Variants in MGAT3 observed in about 807,000 individuals in gnomAD.
The protein encoded by MGAT3 is GlcNAc-T III.
A neutral mutation model predicts 29.8 loss-of-function variants in MGAT3; 9 were observed. The observed-to-expected ratio is 0.30, with a 90% CI of 0.18 to 0.53. The LOEUF (loss-of-function observed/expected upper bound fraction) is 0.53, where lower values mean the gene tolerates loss of function less well. Ranked by LOEUF, MGAT3 falls within the 20% of genes least tolerant of loss-of-function variation. The probability of loss-of-function intolerance (pLI) is 0.96; values close to 1 mark genes in which losing one functional copy is unlikely to be tolerated. For synonymous variants in MGAT3, 397 were observed against 348.9 expected (o/e 1.14, Z -1.54); for missense variants, 557 against 769.5 (o/e 0.72, Z 3.27).
At chr22:39,476,401 C>T (rs1485092179) in intron 1 of MGAT3, 1 of 152,444 alleles carries the variant, frequency 6.6e-6, no homozygotes, top group African/African-American at 2.4e-5. Flanking sequence ...AGCTCTGTCT[C>T]TCCTCTGTTG....
chr22:39,468,220 C>T (rs1373613888), intron 1 of MGAT3, among the ~76,000 whole-genome samples: 1 of 152,224 alleles, frequency 6.6e-6, no homozygotes, highest in Non-Finnish European at 1.5e-5. Flanking sequence ...GTTCCCAGAT[C>T]CCAGGGGCAA....
intron 1 of MGAT3, among the ~76,000 whole-genome samples, chr22:39,475,004 T>C (rs1928912879): frequency 6.6e-6 from 1 of 152,074 alleles, no homozygotes; most frequent in South Asian, 2.1e-4. Flanking sequence ...GCCCCTGCCT[T>C]CCTGGAGTCA....
In MGAT3 at chr22:39,487,788, G is replaced by GCCACCC. The variant is rs1284576412; in HGVS notation, c.443_448dup (p.Pro148_Pro149dup). 7 of 1,490,748 alleles carry GCCACCC rather than the reference G, an allele frequency of 4.7e-6. No homozygotes were observed. Among genetic ancestry groups the GCCACCC allele is most frequent in the Middle Eastern group, 2.0e-4 (1 of 4,934 alleles). The allele number at this position is 1,490,748 out of a possible 1,614,324, so 92.3% of individuals were successfully genotyped here. On this transcript the variant is annotated inframe_insertion, in exon 2 of 2. Transcript: ENST00000341184. The surrounding 1 kb of genome is among the most constrained non-coding windows in gnomAD (Gnocchi z 5.7). ...GGGCCAACGGCTCCTCGGCCCGGCG[G>GCCACCC]CCACCCCGGTACCTCCTGAGCGCCC... is the stretch of plus-strand genomic sequence containing the variant.
In MGAT3 at chr22:39,491,990, C is replaced by T. The variant is rs775736251; in HGVS notation, c.*3041C>T. ...AACAGGGAGAGTCTGGGTGGGGAGA[C>T]GGGACTTGTCCAAGCAGAAGGCAGG... On this transcript the variant is annotated 3_prime_UTR_variant, in exon 2 of 2. Coordinates refer to ENST00000341184, the MANE Select transcript of MGAT3 (RefSeq NM_002409.5). This position sits in a 1 kb window ranked among gnomAD's most constrained non-coding sequence, Gnocchi z 5.5. 47 of 166,718 alleles carry T rather than the reference C, an allele frequency of 2.8e-4. No homozygotes were observed. Among genetic ancestry groups the T allele is most frequent in the Admixed American group, 6.6e-5 (1 of 15,236 alleles). The allele number at this position is 166,718 out of a possible 1,614,324, so 10.3% of individuals were successfully genotyped here.
chr22:39,458,500 A>G (rs1304708791), intron 1 of MGAT3, among the ~76,000 whole-genome samples: 15 of 151,150 alleles, frequency 9.9e-5, no homozygotes, highest in Admixed American at 9.9e-4. Flanking sequence ...GGGGAGGGGG[A>G]GCAGTTATGA....
At chr22:39,483,390 G>A (rs1929182496) in intron 1 of MGAT3, among the ~76,000 whole-genome samples, 1 of 152,176 alleles carries the variant, frequency 6.6e-6, no homozygotes, top group African/African-American at 2.4e-5. Context: ...CTACTCAGGA[G>A]GCTAAGGCGG....
At chr22:39,469,144 G>A (rs1179388838) in intron 1 of MGAT3, among the ~76,000 whole-genome samples, 1 of 148,738 alleles carries the variant, frequency 6.7e-6, no homozygotes, top group Non-Finnish European at 1.5e-5. Flanking sequence ...GGGGGCAGGT[G>A]GGTGGGGAGG....
rs375904604 is a variant in MGAT3, at chr22:39,469,795, C to T, written c.-2+12238C>T. 1.2e-4 allele frequency among the ~76,000 whole-genome samples: 18 copies of T among 152,340 alleles called. No individual in the cohort carries two copies. In the East Asian group the frequency reaches 1.7e-3, roughly 15 times the overall value. ...CTGTGTACTGAAGTGGCCCTTTGTA[C>T]GTTGTCACCAGAGGATGGCGAGCCT... is the stretch of plus-strand genomic sequence containing the variant. On this transcript the variant is annotated intron_variant, in intron 1 of 1. Transcript: ENST00000341184.
chr22:39,464,035 T>C (rs1928568439), intron 1 of MGAT3, among the ~76,000 whole-genome samples: 2 of 150,292 alleles, frequency 1.3e-5, no homozygotes. Flanking sequence ...CCCCAACCCT[T>C]GTAACCCAGA....
At chr22:39,459,286 C>T (rs1264375736) in intron 1 of MGAT3, among the ~76,000 whole-genome samples, 1 of 152,094 alleles carries the variant, frequency 6.6e-6, no homozygotes, top group Admixed American at 6.6e-5. Context: ...GTTGGCCAGG[C>T]TGGTCTCGAA....
In MGAT3 at chr22:39,489,042, A is replaced by C; in HGVS notation, c.*93A>C. ...CCTCCTGCCGGCTCCTTGGTTCTTG[A>C]GGGGACCAGGAGTGGGTGGGGAGTG... On this transcript the variant is annotated 3_prime_UTR_variant, in exon 2 of 2. Coordinates refer to ENST00000341184, the MANE Select transcript of MGAT3 (RefSeq NM_002409.5). The C allele has an allele frequency of 1.4e-5, 9 of 657,322 alleles. No individual in the cohort carries two copies. Among genetic ancestry groups the C allele is most frequent in the South Asian group, 3.9e-5 (2 of 51,004 alleles). 40.7% of individuals were successfully genotyped at this position (657,322 alleles called of 1,614,324 possible).
At chr22:39,467,320 GGA>G (rs1928676748) in intron 1 of MGAT3, among the ~76,000 whole-genome samples, 1 of 152,198 alleles carries the variant, frequency 6.6e-6, no homozygotes, top group Non-Finnish European at 1.5e-5. Flanking sequence ...GCAGCATCCT[GGA>G]GAGATGGGAA....
intron 1 of MGAT3, among the ~76,000 whole-genome samples, chr22:39,471,250 T>C (rs1928801622): frequency 6.6e-6 from 1 of 152,106 alleles, no homozygotes; most frequent in South Asian, 2.1e-4. Context: ...TGTTCGGGCC[T>C]GTAAGGCTGA....
At chr22:39,485,984 G>T (rs1252935478) in intron 1 of MGAT3, among the ~76,000 whole-genome samples, 1 of 152,156 alleles carries the variant, frequency 6.6e-6, no homozygotes, top group Non-Finnish European at 1.5e-5. Flanking sequence ...GATTTAAAAG[G>T]AACTGGTACA....
intron 1 of MGAT3, among the ~76,000 whole-genome samples, chr22:39,472,182 T>C (rs1429956690): frequency 1.3e-5 from 2 of 152,004 alleles, no homozygotes; most frequent in Admixed American, 6.5e-5. Context: ...TCTGGCCGTC[T>C]CCTGTGGGCA....
At chr22:39,472,291 C>G (rs1241571338) in intron 1 of MGAT3, among the ~76,000 whole-genome samples, 1 of 152,164 alleles carries the variant, frequency 6.6e-6, no homozygotes, top group South Asian at 2.1e-4. Context: ...TGGGTTCAGG[C>G]TCCCTGACCC....
chr22:39,483,040 C>A (rs1929171593), intron 1 of MGAT3, among the ~76,000 whole-genome samples: 1 of 152,234 alleles, frequency 6.6e-6, no homozygotes, highest in African/African-American at 2.4e-5. Flanking sequence ...TGTTTCCTTG[C>A]CTCTCTGAGT....
At position 39,489,873 on chromosome 22, in the gene MGAT3, C is replaced by T. The variant is rs1929405228; in HGVS notation, c.*924C>T. 6.0e-6 allele frequency: 1 copy of T among 167,424 alleles called. No homozygotes were observed. Among genetic ancestry groups the T allele is most frequent in the Admixed American group, 6.5e-5 (1 of 15,290 alleles). 10.4% of individuals were successfully genotyped at this position (167,424 alleles called of 1,614,324 possible). On this transcript the variant is annotated 3_prime_UTR_variant, in exon 2 of 2. Coordinates refer to ENST00000341184, the MANE Select transcript of MGAT3 (RefSeq NM_002409.5). ...ACCCCTTCCTTCTGACACCCAGTCC[C>T]AGCTGTCCACTGTCCCAGGTGCAGT...
chr22:39,461,266 T>G (rs1928490896), intron 1 of MGAT3, among the ~76,000 whole-genome samples: 1 of 152,064 alleles, frequency 6.6e-6, no homozygotes, highest in Non-Finnish European at 1.5e-5. Context: ...CAGAGAGTGT[T>G]GGTCAGCTAG....
Sources: gnomAD v4.1 joint callset for allele counts (sites outside exome capture counted in the v4.1 genomes callset) on GRCh38, gnomAD v4.1.1 for gene constraint, Gnocchi (gnomAD v3.1) non-coding constraint, MANE v1.5 for transcripts, NCBI Gene and HGNC (gene_info 2026-07-23, HGNC 2026-07-21) for gene names.